Variants in KMO observed in about 807,000 individuals in gnomAD.
KMO encodes kynurenine 3-monooxygenase, also known as kynurenine 3-hydroxylase.
Under a neutral mutation model 57.8 loss-of-function variants are expected in KMO, and 24 were observed. The ratio of observed to expected loss-of-function variants is 0.42; its 90% CI spans 0.30 to 0.58. The LOEUF (loss-of-function observed/expected upper bound fraction) is 0.58, where lower values mean the gene tolerates loss of function less well. Among genes scored for constraint, KMO ranks in the 20% least tolerant of loss-of-function variants. KMO has a pLI of 0.22. For missense variants in KMO, 483 were observed against 588.2 expected, an observed-to-expected ratio of 0.82 and a Z score of 1.85; for synonymous variants, 210 against 193.6, an observed-to-expected ratio of 1.08 and a Z score of -0.70.
intron 5 of KMO, 76 bp downstream of exon 5, chr1:241,555,736 G>A (rs764651658): frequency 5.6e-6 from 5 of 897,462 alleles, no homozygotes; most frequent in Non-Finnish European, 9.1e-6. Flanking sequence ...ATGATTTATT[G>A]GATTTGTTTG....
chr1:241,586,119 G>A lies in KMO; in HGVS notation c.958-560G>A, dbSNP rs571270374. ...AAAACAGTAATGTAAAATCTTGGTCGAATTTCAGATCACTGTATCATATAT... is the reference window on the plus strand; with the variant it reads ...AAAACAGTAATGTAAAATCTTGGTCAAATTTCAGATCACTGTATCATATAT... On this transcript the variant is annotated intron_variant, in intron 10 of 14. Transcript: ENST00000366559. Among the ~76,000 whole-genome samples the A allele has an allele frequency of 4.6e-4, 68 of 149,222 alleles. 2 individuals are homozygous for A. In the Middle Eastern group the frequency reaches 0.011, roughly 24 times the overall value.
At chr1:241,582,442 A>C (rs1662787788) in intron 10 of KMO, among the ~76,000 whole-genome samples, 1 of 152,100 alleles carries the variant, frequency 6.6e-6, no homozygotes, top group African/African-American at 2.4e-5. Flanking sequence ...TGGATCTTAT[A>C]TGTATGCTTA....
intron 1 of KMO, among the ~76,000 whole-genome samples, chr1:241,541,848 A>T (rs971051356): frequency 1.3e-5 from 2 of 152,178 alleles, no homozygotes; most frequent in Admixed American, 1.3e-4. Flanking sequence ...TAGTTTCATG[A>T]CCAAATATGG....
intron 1 of KMO, among the ~76,000 whole-genome samples, chr1:241,547,112 A>C (rs185350644): frequency 1.4e-3 from 215 of 152,360 alleles, no homozygotes; most frequent in Middle Eastern, 6.8e-3. Context: ...ACCACAGCCT[A>C]TATAAAGCTA....
chr1:241,594,662 G>A lies in KMO; in HGVS notation c.*2509G>A, dbSNP rs2147992575. The A allele has an allele frequency of 1.9e-6, 3 of 1,613,902 alleles. No homozygotes were observed. The highest frequency in any genetic ancestry group is 2.5e-6 in the Non-Finnish European group (3 of 1,179,908). On this transcript the variant is annotated 3_prime_UTR_variant, in exon 15 of 15. Coordinates refer to ENST00000366559, the MANE Select transcript of KMO (RefSeq NM_003679.5). ...GCCTCTGGCACCTCAGCAGTCGGAGGCACAGAAGCTGCAAAAGGGATCTTC... is the reference window on the plus strand; with the variant it reads ...GCCTCTGGCACCTCAGCAGTCGGAGACACAGAAGCTGCAAAAGGGATCTTC...
At chr1:241,549,969 C>A (rs1443068092) in intron 3 of KMO, 195 bp downstream of exon 3, 7 of 518,274 alleles carry the variant, frequency 1.4e-5, no homozygotes, top group Non-Finnish European at 2.4e-5. Context: ...CCGAGGAGGA[C>A]CCTGCAACCG....
intron 1 of KMO, among the ~76,000 whole-genome samples, chr1:241,546,440 C>T (rs1019318381): frequency 2.0e-4 from 30 of 152,112 alleles, no homozygotes; most frequent in Admixed American, 1.6e-3. Context: ...TAAATTACTG[C>T]TTGTGGAAAA....
chr1:241,588,887 T>G (rs977987527), intron 12 of KMO, 57 bp downstream of exon 12: 6 of 1,292,906 alleles, frequency 4.6e-6, no homozygotes, highest in Non-Finnish European at 5.6e-6. Flanking sequence ...TTCTAACAAG[T>G]GTTCTTTTCT....
chr1:241,580,161 C>G (rs1234086337), intron 10 of KMO, among the ~76,000 whole-genome samples: 4 of 152,122 alleles, frequency 2.6e-5, no homozygotes, highest in African/African-American at 9.7e-5. Context: ...TTGCAGCAGC[C>G]TATCTCTTCT....
At chr1:241,557,014 G>T (rs1377055849) in intron 5 of KMO, among the ~76,000 whole-genome samples, 1 of 147,380 alleles carries the variant, frequency 6.8e-6, no homozygotes, top group Non-Finnish European at 1.5e-5. Context: ...GGCACAGAAG[G>T]GCCCAAGAAT....
intron 7 of KMO, among the ~76,000 whole-genome samples, chr1:241,564,673 T>G (rs1456245312): frequency 6.6e-6 from 1 of 151,882 alleles, no homozygotes; most frequent in Admixed American, 6.6e-5. Flanking sequence ...CAGGTATAAT[T>G]ATACCAGCTA....
At chr1:241,578,865 T>TG (rs1662639035) in intron 10 of KMO, among the ~76,000 whole-genome samples, 1 of 152,024 alleles carries the variant, frequency 6.6e-6, no homozygotes, top group Admixed American at 6.6e-5. Context: ...ACAATTATGG[T>TG]GGAAGGTGAA....
chr1:241,550,830 G>A, intron 3 of KMO, 125 bp from the exon 4 acceptor site: 1 of 561,504 alleles, frequency 1.8e-6, no homozygotes, highest in Non-Finnish European at 3.1e-6. Context: ...GGGCTTCTAT[G>A]GTCTTTCACA....
At chr1:241,553,436 C>A (rs188962896) in intron 4 of KMO, among the ~76,000 whole-genome samples, 39 of 152,304 alleles carry the variant, frequency 2.6e-4, no homozygotes, top group African/African-American at 8.9e-4. Flanking sequence ...CCTGTAATCC[C>A]AGAACTTTGG....
At chr1:241,574,978 T>A (rs1448452057) in intron 10 of KMO, among the ~76,000 whole-genome samples, 2 of 152,050 alleles carry the variant, frequency 1.3e-5, no homozygotes, top group Non-Finnish European at 2.9e-5. Context: ...TTTCTATTTC[T>A]TCCTTATTTA....
chr1:241,589,347 C>T lies in KMO; in HGVS notation c.1098+517C>T, dbSNP rs528744941. 4.0e-5 allele frequency among the ~76,000 whole-genome samples: 6 copies of T among 151,880 alleles called. No homozygotes were observed. The South Asian group carries it at 1.0e-3, about 26-fold the overall frequency. ...CATATTAATTCCATTTTGAACCAGTCACATGTAAAGCTCATGGTAAGTGAT... is the reference window on the plus strand; with the variant it reads ...CATATTAATTCCATTTTGAACCAGTTACATGTAAAGCTCATGGTAAGTGAT... On this transcript the variant is annotated intron_variant, in intron 12 of 14. Transcript: ENST00000366559.
At chr1:241,549,298 GCA>G (rs1157182024) in intron 2 of KMO, among the ~76,000 whole-genome samples, 78 of 138,406 alleles carry the variant, frequency 5.6e-4, no homozygotes, top group African/African-American at 1.7e-3. Flanking sequence ...AGGAGAAAGA[GCA>G]AGAAAGAAAG....
chr1:241,593,191 G>C lies in KMO; in HGVS notation c.*1038G>C. 4.1e-6 allele frequency: 1 copy of C among 243,458 alleles called. No homozygotes were observed. Among genetic ancestry groups the C allele is most frequent in the South Asian group, 5.1e-5 (1 of 19,418 alleles). The allele number at this position is 243,458 out of a possible 1,614,324, so 15.1% of individuals were successfully genotyped here. Reference sequence around the variant, plus strand: ...ATGTGCCAGAATGGAAAGGAAACAAGGGGAGACAACTTTTATAGAAATACA... The same window carrying C: ...ATGTGCCAGAATGGAAAGGAAACAACGGGAGACAACTTTTATAGAAATACA... On this transcript the variant is annotated 3_prime_UTR_variant, in exon 15 of 15. Coordinates refer to ENST00000366559, the MANE Select transcript of KMO (RefSeq NM_003679.5).
intron 10 of KMO, among the ~76,000 whole-genome samples, chr1:241,570,123 T>G (rs992543323): frequency 9.2e-5 from 14 of 152,250 alleles, no homozygotes; most frequent in African/African-American, 3.4e-4. Flanking sequence ...ATATTCTGAT[T>G]ATTAATCCCT....
Sources: allele counts gnomAD v4.1 joint callset (sites outside exome capture counted in the v4.1 genomes callset), GRCh38; gene constraint gnomAD v4.1.1; transcripts MANE v1.5; gene names NCBI Gene and HGNC (gene_info 2026-07-23, HGNC 2026-07-21).